The following GXYLT2 variants were observed in gnomAD, a reference collection of about 807,000 sequenced individuals.
GXYLT2 encodes glucoside xylosyltransferase 2.
A neutral mutation model predicts 45.8 loss-of-function variants in GXYLT2; 53 were observed. The ratio of observed to expected loss-of-function variants is 1.16; its 90% CI spans 0.93 to 1.46. GXYLT2 has a LOEUF of 1.46. Among genes scored for constraint, GXYLT2 ranks in the 40% most tolerant of loss-of-function variants. The pLI, the probability that GXYLT2 is intolerant of heterozygous loss-of-function variation, is 0.00. For synonymous variants in GXYLT2, 219 were observed against 214.2 expected, an observed-to-expected ratio of 1.02 and a Z score of -0.19; for missense variants, 551 against 544.4, an observed-to-expected ratio of 1.01 and a Z score of -0.12.
intron 3 of GXYLT2, among the ~76,000 whole-genome samples, chr3:72,935,756 C>G (rs745973519): frequency 5.3e-4 from 80 of 152,278 alleles, no homozygotes; most frequent in Non-Finnish European, 9.0e-4. Context: ...CTATACTCAA[C>G]CAAACTACAA....
chr3:72,904,041 G>C (rs920977910), intron 1 of GXYLT2, among the ~76,000 whole-genome samples: 3 of 152,198 alleles, frequency 2.0e-5, no homozygotes, highest in African/African-American at 7.2e-5. Flanking sequence ...TACCAGCATG[G>C]TTACCAGGAT....
chr3:72,897,832 A>G (rs1334052421), intron 1 of GXYLT2, among the ~76,000 whole-genome samples: 1 of 152,252 alleles, frequency 6.6e-6, no homozygotes, highest in African/African-American at 2.4e-5. Context: ...GCTGTAGCTG[A>G]GAACAAATCT....
intron 3 of GXYLT2, among the ~76,000 whole-genome samples, chr3:72,935,291 A>G (rs1710155006): frequency 6.6e-6 from 1 of 151,896 alleles, no homozygotes. Context: ...AGAACTGGGA[A>G]AATTGAACTC....
chr3:72,941,512 G>A (rs894474906), intron 3 of GXYLT2, among the ~76,000 whole-genome samples: 1 of 152,122 alleles, frequency 6.6e-6, no homozygotes, highest in East Asian at 1.9e-4. Flanking sequence ...ACTGTTGCCT[G>A]GAGACAATAA....
chr3:72,973,741 G>T (rs1449210261), intron 6 of GXYLT2, among the ~76,000 whole-genome samples: 1 of 152,036 alleles, frequency 6.6e-6, no homozygotes, highest in Non-Finnish European at 1.5e-5. Flanking sequence ...GAGGAATTGA[G>T]GGTGATTCCA....
chr3:72,923,170 G>A (rs748459821), intron 3 of GXYLT2, among the ~76,000 whole-genome samples: 17 of 152,040 alleles, frequency 1.1e-4, no homozygotes, highest in African/African-American at 3.4e-4. Flanking sequence ...CAAGAAAATC[G>A]CTTGAACCCA....
intron 2 of GXYLT2, among the ~76,000 whole-genome samples, chr3:72,912,448 C>G (rs568037039): frequency 2.0e-5 from 3 of 152,110 alleles, no homozygotes; most frequent in Non-Finnish European, 4.4e-5. Context: ...CATGCCTTGC[C>G]TGTTTGTGAT....
chr3:72,952,914 G>A (rs1369605727), intron 3 of GXYLT2, among the ~76,000 whole-genome samples: 1 of 152,092 alleles, frequency 6.6e-6, no homozygotes, highest in African/African-American at 2.4e-5. Context: ...ATGGTGTTGG[G>A]ATGATGTTAG....
At chr3:72,890,085 GATTTTTGT>G (rs1709155666) in intron 1 of GXYLT2, among the ~76,000 whole-genome samples, 1 of 151,988 alleles carries the variant, frequency 6.6e-6, no homozygotes, top group African/African-American at 2.4e-5. Flanking sequence ...ATGCCCAGCT[GATTTTTGT>G]ATTTTTAGTA....
At chr3:72,911,415 C>G (rs952592290) in intron 2 of GXYLT2, among the ~76,000 whole-genome samples, 6 of 152,194 alleles carry the variant, frequency 3.9e-5, no homozygotes, top group African/African-American at 1.4e-4. Flanking sequence ...TGGTATACTT[C>G]CCTCCTACAT....
At chr3:72,930,592 CTTTTTTTTT>C (rs71126806) in intron 3 of GXYLT2, among the ~76,000 whole-genome samples, 2 of 101,612 alleles carry the variant, frequency 2.0e-5, no homozygotes, top group Non-Finnish European at 3.6e-5. Flanking sequence ...TCTTCTTCTT[CTTTTTTTTT>C]TTTTTTTTTT....
chr3:72,929,727 T>G (rs1470360072), intron 3 of GXYLT2: 2 of 578,202 alleles, frequency 3.5e-6, no homozygotes, highest in Non-Finnish European at 6.2e-6. Flanking sequence ...AAATATTCAC[T>G]TAATGCAAAA....
At chr3:72,955,942 A>G (rs372723125) in intron 4 of GXYLT2, among the ~76,000 whole-genome samples, 2 of 152,170 alleles carry the variant, frequency 1.3e-5, no homozygotes, top group African/African-American at 4.8e-5. Context: ...GCCAGGAATG[A>G]TGGCGCACAC....
chr3:72,905,263 A>G (rs1254726907), intron 1 of GXYLT2, among the ~76,000 whole-genome samples: 1 of 151,920 alleles, frequency 6.6e-6, no homozygotes, highest in African/African-American at 2.4e-5. Context: ...GATTACAGGC[A>G]CACGCCACCA....
intron 3 of GXYLT2, among the ~76,000 whole-genome samples, chr3:72,950,369 G>A (rs150887484): frequency 0.018 from 2,665 of 152,242 alleles, 46 homozygotes; most frequent in Non-Finnish European, 0.024. Flanking sequence ...GTTGAGGCAG[G>A]AGAATCGCTT....
intron 4 of GXYLT2, among the ~76,000 whole-genome samples, chr3:72,956,473 A>T (rs1710649308): frequency 6.6e-6 from 1 of 152,182 alleles, no homozygotes; most frequent in Non-Finnish European, 1.5e-5. Context: ...TTTTTCCTTA[A>T]GATACCTGAA....
chr3:72,891,159 T>G (rs1345829191), intron 1 of GXYLT2, among the ~76,000 whole-genome samples: 1 of 152,076 alleles, frequency 6.6e-6, no homozygotes, highest in Admixed American at 6.5e-5. Context: ...AACGAGTGCT[T>G]TAATCTCTTT....
intron 3 of GXYLT2, among the ~76,000 whole-genome samples, chr3:72,944,066 A>T (rs1027668852): frequency 6.6e-6 from 1 of 151,388 alleles, no homozygotes; most frequent in Non-Finnish European, 1.5e-5. Flanking sequence ...TTAATAGTTG[A>T]TATTTTCATT....
chr3:72,915,589 C>T (rs569672413), intron 2 of GXYLT2, among the ~76,000 whole-genome samples: 1 of 152,100 alleles, frequency 6.6e-6, no homozygotes, highest in Non-Finnish European at 1.5e-5. Context: ...GTAATCCCAG[C>T]GCTTTCGGAG....
Sources: gnomAD v4.1 joint callset for allele counts (sites outside exome capture counted in the v4.1 genomes callset) on GRCh38, gnomAD v4.1.1 for gene constraint, MANE v1.5 for transcripts, NCBI Gene and HGNC (gene_info 2026-07-23, HGNC 2026-07-21) for gene names.